VPS13B: variants seen among roughly 807,000 people sequenced by gnomAD.
VPS13B encodes the protein intermembrane lipid transfer protein VPS13B.
Under a neutral mutation model 426.4 loss-of-function variants are expected in VPS13B, and 285 were observed. That is an observed-to-expected ratio of 0.67 (90% confidence interval 0.61 to 0.74). The LOEUF (loss-of-function observed/expected upper bound fraction) is 0.74, where lower values mean the gene tolerates loss of function less well. Among genes scored for constraint, VPS13B ranks in the 30% least tolerant of loss-of-function variants. The pLI is 0.00. For synonymous variants in VPS13B, 1,676 were observed against 1,676.4 expected (o/e 1.00, Z 0.01); for missense variants, 4,537 against 4,782.6 (o/e 0.95, Z 1.51).
chr8:99,547,814 T>G lies in VPS13B; in HGVS notation c.4746-8636T>G, dbSNP rs1370856312. The stretch of plus-strand genomic sequence containing the variant: ...CTACATTGTAGCCAATAAAGCAGCT[T>G]TTTGTGCTAAGGATAAGGAAGTCAT... On this transcript the variant is annotated intron_variant, in intron 30 of 61. Transcript: ENST00000357162. 3.9e-5 allele frequency among the ~76,000 whole-genome samples: 6 copies of G among 152,014 alleles called. No homozygotes were observed. The East Asian group carries it at 1.2e-3, about 29-fold the overall frequency.
chr8:99,813,841 A>G (rs550226609), intron 44 of VPS13B, among the ~76,000 whole-genome samples: 1 of 152,368 alleles, frequency 6.6e-6, no homozygotes, highest in East Asian at 1.9e-4. Context: ...CTTTTGATTA[A>G]ATAATAGTTC....
At chr8:99,697,261 A>G (rs1832063328) in intron 35 of VPS13B, 2 of 585,348 alleles carry the variant, frequency 3.4e-6, no homozygotes, top group African/African-American at 3.7e-5. Context: ...ATCCAGCAGG[A>G]GCACCACAAG....
In VPS13B at chr8:99,571,004, A is replaced by G. The variant is rs572534097; in HGVS notation, c.4950-4654A>G. Among the ~76,000 whole-genome samples, 115 of 152,308 alleles carry G rather than the reference A, an allele frequency of 7.6e-4. No individual in the cohort carries two copies. In the South Asian group the frequency reaches 0.023, roughly 30 times the overall value. On this transcript the variant is annotated intron_variant, in intron 31 of 61. Transcript: ENST00000357162. ...TGTTTTTTCAACAAGCTCTCTTGCC[A>G]AGACAGGCAAACTTTCTTATTCTTT...
rs762637042 is a variant in VPS13B at position 99,853,794 on chromosome 8, T to C, written c.10405T>C (p.Leu3469=). 3.1e-6 allele frequency: 5 copies of C among 1,613,880 alleles called. No individual in the cohort carries two copies. Among genetic ancestry groups the C allele is most frequent in the African/African-American group, 2.7e-5 (2 of 74,848 alleles). Residue 3469 remains leucine, a synonymous_variant, in exon 56 of 62, where the codon TTG becomes CTG. Coordinates refer to ENST00000357162, the MANE Select transcript of VPS13B (RefSeq NM_152564.5). ...MQSLLISNKE[L]EEYKEKCFIK... ...GAGTCTCCTCATATCCAACAAAGAG[T>C]TGGAAGAATACAAGGAAAAATGTTT... is the stretch of plus-strand genomic sequence containing the variant.
At chr8:99,356,799 A>G (rs1052326049) in intron 19 of VPS13B, among the ~76,000 whole-genome samples, 2 of 152,204 alleles carry the variant, frequency 1.3e-5, no homozygotes, top group African/African-American at 2.4e-5. Context: ...GTATTATTGA[A>G]TATTTTATGA....
At chr8:99,567,641 T>C (rs1427524482) in intron 31 of VPS13B, among the ~76,000 whole-genome samples, 1 of 152,190 alleles carries the variant, frequency 6.6e-6, no homozygotes, top group African/African-American at 2.4e-5. Context: ...TCTTTATAGA[T>C]TCTTTGTGTA....
intron 39 of VPS13B, among the ~76,000 whole-genome samples, chr8:99,723,340 T>C (rs1833206916): frequency 6.6e-6 from 1 of 152,180 alleles, no homozygotes; most frequent in Non-Finnish European, 1.5e-5. Context: ...AATCCAAAAA[T>C]CTGAAATCTA....
chr8:99,120,031 T>C (rs1847861503), intron 7 of VPS13B: 1 of 152,316 alleles, frequency 6.6e-6, no homozygotes, highest in Admixed American at 6.6e-5. Context: ...GGGACCATAA[T>C]GGGTGCACAC....
chr8:99,308,940 A>C (rs1820797605), intron 19 of VPS13B, among the ~76,000 whole-genome samples: 1 of 152,124 alleles, frequency 6.6e-6, no homozygotes, highest in Non-Finnish European at 1.5e-5. Flanking sequence ...AGTGATGGTG[A>C]GCATTTTTTC....
intron 33 of VPS13B, among the ~76,000 whole-genome samples, chr8:99,600,669 C>A (rs564410733): frequency 1.3e-5 from 2 of 152,202 alleles, no homozygotes; most frequent in South Asian, 4.2e-4. Flanking sequence ...AGGAGAAAAA[C>A]CAGTAATGGG....
intron 17 of VPS13B, among the ~76,000 whole-genome samples, chr8:99,251,003 C>A (rs943977912): frequency 6.6e-6 from 1 of 151,794 alleles, no homozygotes; most frequent in African/African-American, 2.4e-5. Context: ...TATTTTATAT[C>A]CTGTGACCTT....
intron 33 of VPS13B, among the ~76,000 whole-genome samples, chr8:99,604,600 C>T (rs1478849637): frequency 1.3e-5 from 2 of 149,826 alleles, no homozygotes; most frequent in African/African-American, 2.5e-5. Flanking sequence ...CCCGGGTTCA[C>T]GCCATTCTCC....
At chr8:99,735,575 C>T (rs964749885) in intron 39 of VPS13B, among the ~76,000 whole-genome samples, 2 of 152,176 alleles carry the variant, frequency 1.3e-5, no homozygotes, top group Non-Finnish European at 2.9e-5. Flanking sequence ...CTATTGCCTT[C>T]AGAGGGAATA....
intron 30 of VPS13B, among the ~76,000 whole-genome samples, chr8:99,522,063 C>T (rs1384409521): frequency 6.6e-5 from 10 of 152,190 alleles, no homozygotes; most frequent in African/African-American, 2.2e-4. Flanking sequence ...AACTCAACTT[C>T]CCTGTTTTAC....
intron 24 of VPS13B, among the ~76,000 whole-genome samples, chr8:99,478,036 C>G (rs1819786740): frequency 6.6e-6 from 1 of 151,194 alleles, no homozygotes; most frequent in African/African-American, 2.4e-5. Flanking sequence ...ATCACTTGAG[C>G]TCAGGAGTTT....
chr8:99,305,075 C>T (rs1040140481), intron 19 of VPS13B, among the ~76,000 whole-genome samples: 7 of 152,132 alleles, frequency 4.6e-5, no homozygotes, highest in Admixed American at 3.9e-4. Flanking sequence ...TTCTTCTTCT[C>T]TTACTTTATT....
chr8:99,746,624 A>G (rs911531971), intron 39 of VPS13B, among the ~76,000 whole-genome samples: 1 of 152,208 alleles, frequency 6.6e-6, no homozygotes, highest in African/African-American at 2.4e-5. Flanking sequence ...AACTGCGAAT[A>G]GAGAGATTAA....
chr8:99,502,458 G>A (rs532990458), intron 26 of VPS13B, among the ~76,000 whole-genome samples: 9 of 152,136 alleles, frequency 5.9e-5, no homozygotes, highest in East Asian at 5.8e-4. Context: ...AAAGGTTTAC[G>A]TGTACATATT....
chr8:99,313,760 C>G (rs189298445), intron 19 of VPS13B, among the ~76,000 whole-genome samples: 1 of 152,182 alleles, frequency 6.6e-6, no homozygotes, highest in Admixed American at 6.5e-5. Flanking sequence ...TGCCCTGTCC[C>G]CAGAGGTGGA....
Sources: gnomAD v4.1 joint callset for allele counts (sites outside exome capture counted in the v4.1 genomes callset) on GRCh38, gnomAD v4.1.1 for gene constraint, MANE v1.5 for transcripts, NCBI Gene and HGNC (gene_info 2026-07-23, HGNC 2026-07-21) for gene names.